CFAP70: variants seen among roughly 807,000 people sequenced by gnomAD.
CFAP70 encodes the protein cilia- and flagella-associated protein 70.
In CFAP70, 81 loss-of-function variants were observed where a neutral mutation model predicts 137.6. The ratio of observed to expected loss-of-function variants is 0.59; its 90% CI spans 0.49 to 0.71. The LOEUF (loss-of-function observed/expected upper bound fraction) is 0.71. CFAP70 is among the 30% of genes least tolerant of loss of function. CFAP70 has a pLI of 0.00. For synonymous variants in CFAP70, 382 were observed against 423.6 expected (o/e 0.90, Z 1.20); for missense variants, 976 against 1,226.7 (o/e 0.80, Z 3.05).
chr10:73,322,115 A>G (rs1257138275), intron 9 of CFAP70, among the ~76,000 whole-genome samples: 2 of 152,186 alleles, frequency 1.3e-5, no homozygotes, highest in African/African-American at 4.8e-5. Flanking sequence ...TTGTATCCAA[A>G]TTTATTGAGG....
Position 73,256,422 on chromosome 10 carries a change from A to G in CFAP70, c.3028-6T>C. On this transcript the variant is annotated splice_polypyrimidine_tract_variant and splice_region_variant and intron_variant, in intron 25 of 26. Transcript: ENST00000310715. ...GCTTCTAATTGCCGTCCAACCTGAA[A>G]AAAGTGCAGCAGTTGGTGATGATGA... is the stretch of plus-strand genomic sequence containing the variant. The G allele has an allele frequency of 6.2e-7, 1 of 1,614,098 alleles. No individual in the cohort carries two copies. The highest frequency in any genetic ancestry group is 1.1e-5 in the South Asian group (1 of 91,066).
In CFAP70 at chr10:73,269,606, ACACT is replaced by A. The variant is rs925629907; in HGVS notation, c.3027+4_3027+7del. On this transcript the variant is annotated splice_donor_5th_base_variant and intron_variant, in intron 25 of 26. Transcript: ENST00000310715. Reference sequence around the variant, plus strand: ...AAAGGGCATTGTGTAAGGATAATAAACACTCACTTTCAGGCAGACCAGAGCCAGA... The same window carrying A: ...AAAGGGCATTGTGTAAGGATAATAAACACTTTCAGGCAGACCAGAGCCAGA... 6.2e-7 allele frequency: 1 copy of A among 1,604,936 alleles called. No individual in the cohort carries two copies. Among genetic ancestry groups the A allele is most frequent in the Non-Finnish European group, 8.5e-7 (1 of 1,172,104 alleles).
chr10:73,313,095 G>A (rs188240994), intron 9 of CFAP70, among the ~76,000 whole-genome samples: 246 of 152,090 alleles, frequency 1.6e-3, no homozygotes, highest in Non-Finnish European at 2.4e-3. Context: ...GAGGTGGGCC[G>A]GGCGTGGTGG....
chr10:73,344,875 TATA>T (rs2053578580), intron 5 of CFAP70, among the ~76,000 whole-genome samples, 187 bp downstream of exon 6: 1 of 151,982 alleles, frequency 6.6e-6, no homozygotes, highest in African/African-American at 2.4e-5. Flanking sequence ...ATGCATAATA[TATA>T]ATATGTAAAT....
At chr10:73,334,131 G>C (rs1434802471) in intron 7 of CFAP70, among the ~76,000 whole-genome samples, 1 of 152,036 alleles carries the variant, frequency 6.6e-6, no homozygotes, top group Non-Finnish European at 1.5e-5. Flanking sequence ...ATATATATTG[G>C]TAATCCCTCA....
At chr10:73,308,355 A>G (rs963189333) in intron 12 of CFAP70, among the ~76,000 whole-genome samples, 1 of 152,064 alleles carries the variant, frequency 6.6e-6, no homozygotes, top group African/African-American at 2.4e-5. Context: ...ATGGCTGAGC[A>G]TGATGGCTCA....
chr10:73,311,987 T>C lies in CFAP70; in HGVS notation c.1084-73A>G. 1.8e-6 allele frequency: 2 copies of C among 1,130,074 alleles called. 1 individual carries two copies. Among genetic ancestry groups the C allele is most frequent in the Non-Finnish European group, 2.7e-6 (2 of 754,674 alleles). 70.0% of individuals were successfully genotyped at this position (1,130,074 alleles called of 1,614,324 possible). A position where few individuals can be genotyped will look rare whatever the true frequency, so the allele number is the denominator to read the frequency against. On this transcript the variant is annotated intron_variant, in intron 10 of 26. Coordinates refer to ENST00000310715, the Ensembl canonical transcript of CFAP70. ...TCATAGTGACAAGAACAATGTTCTC[T>C]ACACTGCATCAAAATGCAAACTAAC... is the stretch of plus-strand genomic sequence containing the variant.
At chr10:73,259,464 CTTTGT>C (rs1295834366) in intron 25 of CFAP70, among the ~76,000 whole-genome samples, 1 of 152,118 alleles carries the variant, frequency 6.6e-6, no homozygotes, top group Non-Finnish European at 1.5e-5. Context: ...CCTCCCCCTC[CTTTGT>C]TTTTTCTTTT....
At position 73,335,539 on chromosome 10, in the gene CFAP70, T is replaced by C; in HGVS notation, c.583-15A>G. On this transcript the variant is annotated splice_polypyrimidine_tract_variant and intron_variant, in intron 6 of 26. Coordinates refer to ENST00000310715, the Ensembl canonical transcript of CFAP70. The stretch of plus-strand genomic sequence containing the variant: ...AATTCGCTGTCCTGTAAAATATAAA[T>C]ACTTCTGTTCTCGGTATGTGTGCCA... The C allele has an allele frequency of 3.1e-6, 5 of 1,590,002 alleles. No homozygotes were observed. Among genetic ancestry groups the C allele is most frequent in the Non-Finnish European group, 4.3e-6 (5 of 1,160,274 alleles).
chr10:73,345,030 TG>T, intron 5 of CFAP70, 34 bp downstream of exon 6: 2 of 1,588,876 alleles, frequency 1.3e-6, no homozygotes, highest in Non-Finnish European at 8.6e-7. Context: ...CAGACATGTT[TG>T]AATCTCTATA....
chr10:73,335,825 CT>C (rs1336429615), intron 6 of CFAP70, among the ~76,000 whole-genome samples: 1 of 151,084 alleles, frequency 6.6e-6, no homozygotes. Flanking sequence ...TTAAAATCAT[CT>C]GGAGTTTTTG....
intron 12 of CFAP70, among the ~76,000 whole-genome samples, chr10:73,307,112 T>G (rs1382887751): frequency 1.3e-5 from 2 of 152,098 alleles, no homozygotes; most frequent in African/African-American, 4.8e-5. Context: ...GCAGAGTGTA[T>G]AGTACTGAAA....
chr10:73,319,116 A>C (rs1288136196), intron 9 of CFAP70, among the ~76,000 whole-genome samples: 6 of 152,252 alleles, frequency 3.9e-5, no homozygotes, highest in African/African-American at 1.4e-4. Flanking sequence ...AGCCTAAAAC[A>C]ATAACCAAGG....
chr10:73,274,845 T>C, intron 22 of CFAP70: 1 of 454,080 alleles, frequency 2.2e-6, no homozygotes, highest in East Asian at 3.9e-5. Flanking sequence ...GTGGAGTAAA[T>C]ATTAAGAAAA....
chr10:73,296,886 C>A, intron 15 of CFAP70, 156 bp downstream of exon 16: 1 of 759,430 alleles, frequency 1.3e-6, no homozygotes, highest in South Asian at 2.8e-5. Flanking sequence ...ACTGATTAGG[C>A]TTAGGCAGTT....
chr10:73,328,809 A>C (rs2051754568), intron 8 of CFAP70, among the ~76,000 whole-genome samples: 1 of 151,254 alleles, frequency 6.6e-6, no homozygotes, highest in African/African-American at 2.4e-5. Flanking sequence ...CACACCAGTT[A>C]GAATGGCAAT....
At chr10:73,293,444 GT>G (rs11317044) in intron 15 of CFAP70, 56 bp from the exon 17 acceptor site, 119,626 of 1,465,630 alleles carry the variant, frequency 0.082, 7,417 homozygotes, top group East Asian at 0.29. Context: ...AAGTAGAGAG[GT>G]TTCATAAGCA....
intron 10 of CFAP70, 40 bp from the exon 12 acceptor site, chr10:73,311,954 C>T (rs370481579): frequency 4.1e-5 from 59 of 1,436,352 alleles, no homozygotes; most frequent in Non-Finnish European, 5.8e-5. Flanking sequence ...TGAATTCCTA[C>T]ACAGTCTTCA....
chr10:73,352,272 G>C (rs556688672), intron 3 of CFAP70, among the ~76,000 whole-genome samples: 2 of 152,184 alleles, frequency 1.3e-5, no homozygotes, highest in East Asian at 1.9e-4. Context: ...GACATCACTA[G>C]GGTAATGGAG....
Sources: gnomAD v4.1 joint callset for allele counts (sites outside exome capture counted in the v4.1 genomes callset) on GRCh38, gnomAD v4.1.1 for gene constraint, MANE v1.5 for transcripts, NCBI Gene and HGNC (gene_info 2026-07-23, HGNC 2026-07-21) for gene names.